Variants in PCDHGA9 observed in about 807,000 individuals in gnomAD.
The protein encoded by PCDHGA9 is protocadherin gamma subfamily A, 9.
Under a neutral mutation model 62.5 loss-of-function variants are expected in PCDHGA9, and 37 were observed. The observed-to-expected ratio is 0.59, with a 90% confidence interval of 0.46 to 0.78. The LOEUF (loss-of-function observed/expected upper bound fraction) is 0.78. Among genes scored for constraint, PCDHGA9 ranks in the 30% least tolerant of loss-of-function variants. The probability of loss-of-function intolerance (pLI) is 0.00; values close to 1 mark genes in which losing one functional copy is unlikely to be tolerated. For missense variants in PCDHGA9, 1,138 were observed against 1,166.2 expected (o/e 0.98, Z 0.35); for synonymous variants, 459 against 484.6 (o/e 0.95, Z 0.69).
chr5:141,453,620 A>G (rs2098770145), intron 1 of PCDHGA9, among the ~76,000 whole-genome samples: 1 of 152,196 alleles, frequency 6.6e-6, no homozygotes. Context: ...CAAAAACAAA[A>G]CCTATACATA....
At chr5:141,468,415 G>A (rs1040067190) in intron 1 of PCDHGA9, 5 of 151,704 alleles carry the variant, frequency 3.3e-5, no homozygotes, top group Non-Finnish European at 7.4e-5. Context: ...TAATAAGTTA[G>A]ATAGCAAGGT....
At chr5:141,467,906 A>T (rs917983299) in intron 1 of PCDHGA9, among the ~76,000 whole-genome samples, 5 of 152,002 alleles carry the variant, frequency 3.3e-5, no homozygotes, top group African/African-American at 9.7e-5. Flanking sequence ...AAATCCGCCC[A>T]CCTCAGCCTC....
intron 1 of PCDHGA9, chr5:141,441,551 T>C (rs2098254450): frequency 5.4e-6 from 1 of 184,050 alleles, no homozygotes; most frequent in African/African-American, 2.4e-5. Flanking sequence ...GCCTCCATAG[T>C]GTGCAAGTAG....
At chr5:141,413,411 T>TC in intron 1 of PCDHGA9, 1 of 1,614,038 alleles carries the variant, frequency 6.2e-7, no homozygotes, top group Non-Finnish European at 8.5e-7. Flanking sequence ...ACGCAGCTTT[T>TC]CTCTCTGAAC....
intron 1 of PCDHGA9, chr5:141,410,723 T>G: frequency 7.2e-7 from 1 of 1,391,168 alleles, no homozygotes; most frequent in Non-Finnish European, 9.6e-7. Context: ...ATGTTTAAAA[T>G]CCATAGCTTT....
At chr5:141,483,100 G>A (rs1051736065) in intron 1 of PCDHGA9, among the ~76,000 whole-genome samples, 11 of 152,078 alleles carry the variant, frequency 7.2e-5, no homozygotes, top group South Asian at 2.1e-4. Flanking sequence ...AAAAGTGTGC[G>A]TGTAAAACAG....
Position 141,491,504 on chromosome 5 carries a change from G to T in PCDHGA9, c.2425-3303G>T. 6.2e-7 allele frequency: 1 copy of T among 1,614,048 alleles called. No homozygotes were observed. The highest frequency in any genetic ancestry group is 2.2e-5 in the East Asian group (1 of 44,876). Reference sequence around the variant, plus strand: ...CCCAACCTGCAGGTGAGCTCGGACGGCACGCTCAAGTACATGGAGGTGACG... The same window carrying T: ...CCCAACCTGCAGGTGAGCTCGGACGTCACGCTCAAGTACATGGAGGTGACG... On this transcript the variant is annotated intron_variant, in intron 1 of 3. Transcript: ENST00000573521. The surrounding 1 kb of genome is among the most constrained non-coding windows in gnomAD (Gnocchi z 6.9).
chr5:141,506,165 C>T (rs1359711670), intron 3 of PCDHGA9, among the ~76,000 whole-genome samples: 8 of 152,038 alleles, frequency 5.3e-5, no homozygotes, highest in South Asian at 2.1e-4. Context: ...AAGAGCACAG[C>T]CTAAGCTGGG....
intron 1 of PCDHGA9, chr5:141,441,702 A>G: frequency 3.2e-6 from 1 of 309,906 alleles, no homozygotes. Context: ...GCGAGCCTTC[A>G]AGCTCACGCT....
chr5:141,464,180 G>T (rs1251683320), intron 1 of PCDHGA9, among the ~76,000 whole-genome samples: 1 of 151,340 alleles, frequency 6.6e-6, no homozygotes, highest in Non-Finnish European at 1.5e-5. Flanking sequence ...CAGGAGAATT[G>T]CTTGATTTCA....
intron 1 of PCDHGA9, among the ~76,000 whole-genome samples, chr5:141,463,990 G>A (rs2099073582): frequency 6.6e-6 from 1 of 151,990 alleles, no homozygotes; most frequent in Non-Finnish European, 1.5e-5. Flanking sequence ...TAAAAACCAG[G>A]TGCAGTGGCT....
rs747671382 is a variant in PCDHGA9 at position 141,444,152 on chromosome 5, A to ATTTTTT, written c.2424+38807_2424+38812dup. ...GATATGTGTCACTTGTGTGTACTGG[A>ATTTTTT]TTTTTTTTTTTTTTTTTTTTTTTTT... On this transcript the variant is annotated intron_variant, in intron 1 of 3. Coordinates refer to ENST00000573521, the MANE Select transcript of PCDHGA9 (RefSeq NM_018921.3). Among the ~76,000 whole-genome samples the ATTTTTT allele has an allele frequency of 3.5e-4, 12 of 33,898 alleles. 1 individual carries two copies. Among genetic ancestry groups the ATTTTTT allele is most frequent in the African/African-American group, 4.2e-4 (3 of 7,184 alleles). The allele number at this position is 33,898 out of a possible 152,430, so 22.2% of individuals were successfully genotyped here.
intron 1 of PCDHGA9, among the ~76,000 whole-genome samples, chr5:141,479,107 G>A (rs1212999480): frequency 6.6e-6 from 1 of 152,090 alleles, no homozygotes; most frequent in Non-Finnish European, 1.5e-5. Flanking sequence ...TTTATTTCAA[G>A]CATTCTACTG....
At chr5:141,479,866 A>G (rs1020197891) in intron 1 of PCDHGA9, among the ~76,000 whole-genome samples, 2 of 152,204 alleles carry the variant, frequency 1.3e-5, no homozygotes, top group African/African-American at 2.4e-5. Context: ...TTTGCCCTGG[A>G]GAGAACCCTA....
chr5:141,481,104 C>T (rs2099531861), intron 1 of PCDHGA9, among the ~76,000 whole-genome samples: 1 of 152,130 alleles, frequency 6.6e-6, no homozygotes. Context: ...ACTCTGGAAC[C>T]TACCAATCCA....
chr5:141,419,647 G>C (rs370948584), intron 1 of PCDHGA9: 6 of 1,612,592 alleles, frequency 3.7e-6, no homozygotes, highest in Non-Finnish European at 5.1e-6. Context: ...CCGTGGACGC[G>C]GACTCGGGGC....
intron 1 of PCDHGA9, chr5:141,421,308 C>T: frequency 6.2e-7 from 1 of 1,613,678 alleles, no homozygotes; most frequent in Non-Finnish European, 8.5e-7. Flanking sequence ...TGCGGGGGTT[C>T]CGGGCCAGGC....
intron 1 of PCDHGA9, 41 bp downstream of exon 1, chr5:141,405,417 TTTTTG>T (rs767701229): frequency 7.0e-6 from 11 of 1,563,080 alleles, no homozygotes; most frequent in Non-Finnish European, 8.7e-6. Flanking sequence ...CTTTTTTTGT[TTTTTG>T]TTTTGTTTTG....
rs114918874 is a variant in PCDHGA9 at position 141,487,585 on chromosome 5, C to T, written c.2425-7222C>T. On this transcript the variant is annotated intron_variant, in intron 1 of 3. Transcript: ENST00000573521. This position sits in a 1 kb window ranked among gnomAD's most constrained non-coding sequence, Gnocchi z 5.0. Reference sequence around the variant, plus strand: ...CAGGGGAGCCTGTTCGCCCAAGCTGCCCACCCTCTGATCTTCTCTATGGGC... The same window carrying T: ...CAGGGGAGCCTGTTCGCCCAAGCTGTCCACCCTCTGATCTTCTCTATGGGC... 7,902 of 1,614,160 alleles carry T rather than the reference C, an allele frequency of 4.9e-3. 42 individuals are homozygous for T. The highest frequency in any genetic ancestry group is 8.8e-3 in the Admixed American group (531 of 60,020).
Sources: allele counts gnomAD v4.1 joint callset (sites outside exome capture counted in the v4.1 genomes callset), GRCh38; gene constraint gnomAD v4.1.1; non-coding constraint Gnocchi (gnomAD v3.1); transcripts MANE v1.5; gene names NCBI Gene and HGNC (gene_info 2026-07-23, HGNC 2026-07-21).